The following ZNF385B variants were observed in gnomAD, a reference collection of about 807,000 sequenced individuals.
ZNF385B encodes zinc finger protein 533.
A neutral mutation model predicts 39.2 loss-of-function variants in ZNF385B; 23 were observed. That is an observed-to-expected ratio of 0.59 (90% CI 0.42 to 0.83). ZNF385B has a LOEUF of 0.83. Among genes scored for constraint, ZNF385B ranks in the 40% least tolerant of loss-of-function variants. ZNF385B has a pLI of 0.00. For synonymous variants in ZNF385B, 205 were observed against 222.6 expected, an observed-to-expected ratio of 0.92 and a Z score of 0.70; for missense variants, 552 against 598.9, an observed-to-expected ratio of 0.92 and a Z score of 0.82.
intron 3 of ZNF385B, among the ~76,000 whole-genome samples, chr2:179,648,964 G>T (rs1048145822): frequency 5.9e-5 from 9 of 152,186 alleles, no homozygotes; most frequent in Admixed American, 5.2e-4. Flanking sequence ...AGGATGAAAA[G>T]ATTATGGTAG....
chr2:179,626,555 T>C lies in ZNF385B; in HGVS notation c.299-81586A>G, dbSNP rs1575021216. 3.3e-5 allele frequency among the ~76,000 whole-genome samples: 5 copies of C among 152,304 alleles called. No individual in the cohort carries two copies. The South Asian group carries it at 1.0e-3, about 32-fold the overall frequency. On this transcript the variant is annotated intron_variant, in intron 3 of 9. Transcript: ENST00000410066. ...TAAATCAAATTTCAAATGCTTTTAG[T>C]ATTAGTGTCTGCAGATTGTAAAAAT...
At chr2:179,671,679 T>C (rs543585489) in intron 3 of ZNF385B, among the ~76,000 whole-genome samples, 48 of 152,320 alleles carry the variant, frequency 3.2e-4, no homozygotes, top group Admixed American at 6.5e-5. Context: ...TGAAACTTCA[T>C]TGTAGCCCTG....
intron 6 of ZNF385B, among the ~76,000 whole-genome samples, chr2:179,481,647 G>T (rs1357724706): frequency 6.6e-6 from 1 of 152,156 alleles, no homozygotes; most frequent in Non-Finnish European, 1.5e-5. Context: ...TTAGCTGAAA[G>T]AATAGAGTGG....
Position 179,817,257 on chromosome 2 carries a change from T to C in ZNF385B, c.-155+43844A>G, listed in dbSNP as rs184092292. ...AGTAGCACAAAGTGACATAAGAACA[T>C]TGATCTACAATTTGGCAAAATAGAG... On this transcript the variant is annotated intron_variant, in intron 1 of 9. Transcript: ENST00000410066. Among the ~76,000 whole-genome samples the C allele has an allele frequency of 2.6e-5, 4 of 152,306 alleles. No individual in the cohort carries two copies. In the East Asian group the frequency reaches 7.7e-4, roughly 29 times the overall value.
intron 1 of ZNF385B, among the ~76,000 whole-genome samples, chr2:179,823,911 A>T (rs1707539784): frequency 6.6e-6 from 1 of 152,000 alleles, no homozygotes; most frequent in Non-Finnish European, 1.5e-5. Context: ...AGTAACTGAA[A>T]CTCAAATTTA....
At chr2:179,520,545 T>C (rs1194594311) in intron 4 of ZNF385B, among the ~76,000 whole-genome samples, 2 of 152,176 alleles carry the variant, frequency 1.3e-5, no homozygotes, top group Non-Finnish European at 2.9e-5. Context: ...TTAAATCCCA[T>C]CTATCTATTT....
intron 1 of ZNF385B, among the ~76,000 whole-genome samples, chr2:179,830,974 T>TCTCTATA (rs1707952022): frequency 6.6e-6 from 1 of 152,158 alleles, no homozygotes; most frequent in Non-Finnish European, 1.5e-5. Context: ...ACAGAAGAAC[T>TCTCTATA]CTCTATACTT....
intron 6 of ZNF385B, among the ~76,000 whole-genome samples, chr2:179,467,434 G>T (rs1317688672): frequency 1.3e-5 from 2 of 152,166 alleles, no homozygotes; most frequent in Non-Finnish European, 2.9e-5. Context: ...TTTCTATATG[G>T]TGTCTGCCAT....
At chr2:179,584,343 C>T (rs998567963) in intron 3 of ZNF385B, among the ~76,000 whole-genome samples, 22 of 151,994 alleles carry the variant, frequency 1.4e-4, no homozygotes, top group African/African-American at 4.6e-4. Context: ...CCTCTCACTC[C>T]CTAAGCCACT....
intron 1 of ZNF385B, among the ~76,000 whole-genome samples, chr2:179,838,930 G>GC (rs1553543326): frequency 4.7e-5 from 7 of 148,490 alleles, no homozygotes; most frequent in South Asian, 2.2e-4. Context: ...AAAAAAAAAG[G>GC]GGGGGGGGCA....
At chr2:179,590,146 G>A (rs913316185) in intron 3 of ZNF385B, among the ~76,000 whole-genome samples, 2 of 152,130 alleles carry the variant, frequency 1.3e-5, no homozygotes, top group African/African-American at 4.8e-5. Context: ...TTACCTCAGT[G>A]GGTTGTGCTC....
At chr2:179,618,882 A>G (rs571376279) in intron 3 of ZNF385B, among the ~76,000 whole-genome samples, 1 of 152,188 alleles carries the variant, frequency 6.6e-6, no homozygotes, top group Non-Finnish European at 1.5e-5. Context: ...TCTTCTACTT[A>G]CAATAGACAC....
At chr2:179,775,741 G>A (rs1037950298) in intron 1 of ZNF385B, among the ~76,000 whole-genome samples, 2 of 152,136 alleles carry the variant, frequency 1.3e-5, no homozygotes, top group South Asian at 2.1e-4. Flanking sequence ...GAGGATCTTC[G>A]TATTATGTGA....
At chr2:179,847,423 A>G (rs941986425) in intron 1 of ZNF385B, among the ~76,000 whole-genome samples, 4 of 152,230 alleles carry the variant, frequency 2.6e-5, no homozygotes, top group African/African-American at 7.2e-5. Flanking sequence ...AAATGTACCT[A>G]TTCCTACTTG....
intron 3 of ZNF385B, among the ~76,000 whole-genome samples, chr2:179,627,834 C>A (rs1335958655): frequency 1.3e-5 from 2 of 151,914 alleles, no homozygotes; most frequent in Non-Finnish European, 2.9e-5. Flanking sequence ...CAAATAGTAG[C>A]AAGAAAGTGT....
At chr2:179,481,863 T>A (rs534237125) in intron 6 of ZNF385B, among the ~76,000 whole-genome samples, 4 of 152,298 alleles carry the variant, frequency 2.6e-5, no homozygotes, top group African/African-American at 7.2e-5. Context: ...ATTGTGTACC[T>A]CACCAGTTTG....
At chr2:179,488,698 T>G (rs2054880694) in intron 5 of ZNF385B, among the ~76,000 whole-genome samples, 1 of 152,188 alleles carries the variant, frequency 6.6e-6, no homozygotes, top group African/African-American at 2.4e-5. Context: ...ACTACTGGCA[T>G]CTGTTTTTTT....
intron 3 of ZNF385B, among the ~76,000 whole-genome samples, chr2:179,755,784 G>T (rs544120265): frequency 6.6e-6 from 1 of 152,204 alleles, no homozygotes; most frequent in South Asian, 2.1e-4. Flanking sequence ...CCATTTGCTT[G>T]GTAGATCTTC....
At chr2:179,685,086 T>C (rs1697820870) in intron 3 of ZNF385B, among the ~76,000 whole-genome samples, 1 of 152,326 alleles carries the variant, frequency 6.6e-6, no homozygotes, top group Non-Finnish European at 1.5e-5. Flanking sequence ...ATCAAGAAAC[T>C]TGAAAAATGG....
Sources: gnomAD v4.1 joint callset for allele counts (sites outside exome capture counted in the v4.1 genomes callset) on GRCh38, gnomAD v4.1.1 for gene constraint, MANE v1.5 for transcripts, NCBI Gene and HGNC (gene_info 2026-07-23, HGNC 2026-07-21) for gene names.